PSMD1: variants seen among roughly 807,000 people sequenced by gnomAD.
PSMD1 encodes the protein proteasome 26S subunit, non-ATPase 1.
Under a neutral mutation model 119.0 loss-of-function variants are expected in PSMD1, and 18 were observed. The ratio of observed to expected loss-of-function variants is 0.15; its 90% CI spans 0.10 to 0.22. The LOEUF (loss-of-function observed/expected upper bound fraction) is 0.22. PSMD1 is among the 10% of genes least tolerant of loss of function. The pLI is 1.00. For synonymous variants in PSMD1, 374 were observed against 396.6 expected (o/e 0.94, Z 0.68); for missense variants, 702 against 1,158.5 (o/e 0.61, Z 5.72).
intron 16 of PSMD1, among the ~76,000 whole-genome samples, chr2:231,127,285 A>C (rs1038310704): frequency 4.6e-5 from 7 of 152,248 alleles, no homozygotes; most frequent in African/African-American, 1.7e-4. Flanking sequence ...AAAAAAAAAA[A>C]AAACAAGAAT....
chr2:231,113,880 A>G, intron 16 of PSMD1: 2 of 1,614,194 alleles, frequency 1.2e-6, no homozygotes, highest in Non-Finnish European at 1.7e-6. Flanking sequence ...AGAGAACGTC[A>G]AGAAATAACC....
intron 16 of PSMD1, among the ~76,000 whole-genome samples, chr2:231,124,296 CAG>C (rs1206542339): frequency 6.6e-6 from 1 of 152,104 alleles, no homozygotes; most frequent in Non-Finnish European, 1.5e-5. Context: ...GTTAATGAAA[CAG>C]AAGACACATT....
At chr2:231,086,783 A>C (rs931576485) in intron 15 of PSMD1, among the ~76,000 whole-genome samples, 3 of 152,208 alleles carry the variant, frequency 2.0e-5, no homozygotes, top group African/African-American at 7.2e-5. Flanking sequence ...TTTATTCTTC[A>C]AAAATACATG....
At position 231,106,625 on chromosome 2, in the gene PSMD1, GA is replaced by G. The variant is rs112431135; in HGVS notation, c.1883+19454del. On this transcript the variant is annotated intron_variant, in intron 16 of 24. Coordinates refer to ENST00000308696, the MANE Select transcript of PSMD1 (RefSeq NM_002807.4). ...AGAGTGAGAATCTGTCTCAAAAAAA[GA>G]AAAAAAAAATTGTAAGCAAGGAAAT... Among the ~76,000 whole-genome samples the G allele has an allele frequency of 3.2e-4, 47 of 148,564 alleles. No homozygotes were observed. In the East Asian group the frequency reaches 3.3e-3, roughly 10 times the overall value.
In PSMD1 at chr2:231,066,967, A is replaced by G. The variant is rs1417620212; in HGVS notation, c.366A>G (p.Glu122=). 6.2e-7 allele frequency: 1 copy of G among 1,613,382 alleles called. No homozygotes were observed. Among genetic ancestry groups the G allele is most frequent in the Non-Finnish European group, 8.5e-7 (1 of 1,179,714 alleles). The change falls in exon 5 of 25, where the codon GAA becomes GAG. Residue 122 remains glutamate, a synonymous_variant. Coordinates refer to ENST00000308696, the MANE Select transcript of PSMD1 (RefSeq NM_002807.4). ...AAAATGCAGATTTGCCTGAAGGAGA[A>G]AAAAAACCAATTGACCAGAGATTGG... ...CVENADLPEG[E]KKPIDQRLEG... is the part of the protein sequence containing the mutation.
chr2:231,079,750 C>T, intron 11 of PSMD1, 136 bp downstream of exon 11: 1 of 557,568 alleles, frequency 1.8e-6, no homozygotes. Flanking sequence ...GTGGAGAAGG[C>T]TAAAGTAAAT....
At chr2:231,161,549 C>T (rs1242810123) in intron 20 of PSMD1, 40 bp downstream of exon 20, 1 of 1,549,584 alleles carries the variant, frequency 6.5e-7, no homozygotes, top group South Asian at 1.2e-5. Context: ...ATTTCCTGTT[C>T]ACCGTATCTT....
intron 16 of PSMD1, among the ~76,000 whole-genome samples, chr2:231,105,722 T>C (rs1385171571): frequency 2.0e-5 from 3 of 152,192 alleles, no homozygotes; most frequent in Non-Finnish European, 1.5e-5. Context: ...ACAAAGTGAT[T>C]CCTTGAATAT....
At chr2:231,126,656 A>G (rs960062368) in intron 16 of PSMD1, among the ~76,000 whole-genome samples, 6 of 152,078 alleles carry the variant, frequency 3.9e-5, no homozygotes, top group East Asian at 1.9e-4. Flanking sequence ...AATATTAAGT[A>G]TATTATAAAA....
At chr2:231,095,185 G>A (rs1301904346) in intron 16 of PSMD1, among the ~76,000 whole-genome samples, 2 of 152,208 alleles carry the variant, frequency 1.3e-5, no homozygotes, top group East Asian at 3.8e-4. Flanking sequence ...ATACCTGGGA[G>A]AGTCTGGGGC....
intron 16 of PSMD1, among the ~76,000 whole-genome samples, chr2:231,104,076 C>T (rs1359058469): frequency 1.4e-5 from 2 of 140,662 alleles, no homozygotes; most frequent in East Asian, 4.2e-4. Flanking sequence ...TCATGTTTGA[C>T]TCTTAAGTTG....
At chr2:231,151,866 G>T (rs562333528) in intron 18 of PSMD1, among the ~76,000 whole-genome samples, 58 of 140,164 alleles carry the variant, frequency 4.1e-4, no homozygotes, top group Admixed American at 2.4e-3. Flanking sequence ...AGGCTGGAGT[G>T]CAGTGGCACG....
chr2:231,108,379 T>C, intron 16 of PSMD1: 1 of 667,434 alleles, frequency 1.5e-6, no homozygotes, highest in East Asian at 2.7e-5. Flanking sequence ...AAATTAGATA[T>C]TCTTAATACT....
chr2:231,057,150 G>C, intron 1 of PSMD1, 109 bp downstream of exon 1: 2 of 1,339,878 alleles, frequency 1.5e-6, no homozygotes, highest in Non-Finnish European at 1.9e-6. Context: ...GCCGGCCTGG[G>C]CAGCTTCTTG....
chr2:231,099,781 G>A (rs536822836), intron 16 of PSMD1, among the ~76,000 whole-genome samples: 20 of 152,202 alleles, frequency 1.3e-4, no homozygotes, highest in South Asian at 6.2e-4. Context: ...TCAATCCCCC[G>A]AAATGGGGAT....
Position 231,057,013 on chromosome 2 carries a change from G to A in PSMD1, c.-13G>A, listed in dbSNP as rs1469497483. 6.5e-7 allele frequency: 1 copy of A among 1,539,726 alleles called. No individual in the cohort carries two copies. The highest frequency in any genetic ancestry group is 8.7e-7 in the Non-Finnish European group (1 of 1,144,262). ...ACGGCGAGCGAGCCGACGGGCGAGT[G>A]AGGGGCGCAGCCATGATCACCTCGG... is the stretch of plus-strand genomic sequence containing the variant. On this transcript the variant is annotated 5_prime_UTR_variant, in exon 1 of 25. Transcript: ENST00000308696.
Position 231,123,450 on chromosome 2 carries a change from C to T in PSMD1, c.1884-15286C>T, listed in dbSNP as rs373526985. 10 of 1,613,994 alleles carry T rather than the reference C, an allele frequency of 6.2e-6. No individual in the cohort carries two copies. In the Middle Eastern group the frequency reaches 5.0e-4, roughly 80 times the overall value. On this transcript the variant is annotated intron_variant, in intron 16 of 24. Coordinates refer to ENST00000308696, the MANE Select transcript of PSMD1 (RefSeq NM_002807.4). ...TCAAGAGGGCAATTGGCATCACAAA[C>T]AATCCAACCAGCAAATCAGCCACCG...
At chr2:231,113,915 G>A (rs1695245991) in intron 16 of PSMD1, 1 of 1,613,994 alleles carries the variant, frequency 6.2e-7, no homozygotes, top group Admixed American at 1.7e-5. Flanking sequence ...ACAAGTGGGA[G>A]GGGCCACATA....
At chr2:231,087,366 G>A (rs1444587997) in intron 16 of PSMD1, among the ~76,000 whole-genome samples, 185 bp downstream of exon 16, 2 of 152,104 alleles carry the variant, frequency 1.3e-5, no homozygotes, top group African/African-American at 4.8e-5. Flanking sequence ...AAAGAACAAA[G>A]CATATCATGG....
Sources: gnomAD v4.1 joint callset for allele counts (sites outside exome capture counted in the v4.1 genomes callset) on GRCh38, gnomAD v4.1.1 for gene constraint, MANE v1.5 for transcripts, NCBI Gene and HGNC (gene_info 2026-07-23, HGNC 2026-07-21) for gene names.